RAB15: variants seen among roughly 807,000 people sequenced by gnomAD.
RAB15 encodes the protein RAB15, member RAS oncogene family, also known as ras-related protein Rab-15.
RAB15 carries 13 observed loss-of-function variants against 31.8 expected under a neutral mutation model. The observed-to-expected ratio is 0.41, with a 90% CI of 0.27 to 0.65. The LOEUF (loss-of-function observed/expected upper bound fraction) is 0.65, where lower values mean the gene tolerates loss of function less well. Among genes scored for constraint, RAB15 ranks in the 30% least tolerant of loss-of-function variants. The pLI is 0.32. For missense variants in RAB15, 220 were observed against 277.3 expected, an observed-to-expected ratio of 0.79 and a Z score of 1.47; for synonymous variants, 100 against 105.6, an observed-to-expected ratio of 0.95 and a Z score of 0.33.
intron 1 of RAB15, among the ~76,000 whole-genome samples, chr14:64,956,933 CA>C (rs1375297168): frequency 7.8e-6 from 1 of 128,294 alleles, no homozygotes; most frequent in Admixed American, 7.4e-5. Context: ...CTCCTAGCTT[CA>C]ATTTTTTTTT....
rs1025619507 is a variant in RAB15, at chr14:64,947,846, TC to T, written c.*507del. 9.2e-5 allele frequency: 14 copies of T among 152,606 alleles called. No individual in the cohort carries two copies. The highest frequency in any genetic ancestry group is 3.1e-4 in the African/African-American group (13 of 41,374). The allele number at this position is 152,606 out of a possible 1,614,324, so 9.5% of individuals were successfully genotyped here. On this transcript the variant is annotated 3_prime_UTR_variant, in exon 7 of 7. Transcript: ENST00000533601. The surrounding 1 kb of genome is among the most constrained non-coding windows in gnomAD (Gnocchi z 5.6). Reference sequence around the variant, plus strand: ...GAACCTCCCCACGAGCCTGGGTCCATCCCCTTGGATAGCTTAGGAAGGAAGG... The same window carrying T: ...GAACCTCCCCACGAGCCTGGGTCCATCCCTTGGATAGCTTAGGAAGGAAGG...
intron 1 of RAB15, among the ~76,000 whole-genome samples, chr14:64,967,619 A>G (rs1185922333): frequency 6.6e-6 from 1 of 151,632 alleles, no homozygotes; most frequent in Admixed American, 6.6e-5. Context: ...AAGAAAACCA[A>G]CAACTCCTGA....
Position 64,971,401 on chromosome 14 carries a change from C to G in RAB15, c.124+552G>C, listed in dbSNP as rs1887409777. Among the ~76,000 whole-genome samples the G allele has an allele frequency of 6.6e-6, 1 of 152,152 alleles. No individual in the cohort carries two copies. The highest frequency in any genetic ancestry group is 1.5e-5 in the Non-Finnish European group (1 of 68,022). ...CAGGGGCTCCTCACCCTATCTGTGT[C>G]CTCCCCCAGGTGTCCCACCTTGCGG... On this transcript the variant is annotated intron_variant, in intron 1 of 6. Transcript: ENST00000533601. This position sits in a 1 kb window ranked among gnomAD's most constrained non-coding sequence, Gnocchi z 4.1.
chr14:64,960,288 T>G (rs2139989076), intron 1 of RAB15, among the ~76,000 whole-genome samples: 1 of 152,278 alleles, frequency 6.6e-6, no homozygotes, highest in African/African-American at 2.4e-5. Flanking sequence ...GGGAAAAACT[T>G]GGTGCCTCCC....
rs1887256676 is a variant in RAB15, at chr14:64,968,574, G to T, written c.124+3379C>A. Among the ~76,000 whole-genome samples, 1 of 152,182 alleles carries T rather than the reference G, an allele frequency of 6.6e-6. No homozygotes were observed. Among genetic ancestry groups the T allele is most frequent in the Non-Finnish European group, 1.5e-5 (1 of 68,028 alleles). ...TGATCATAATCCATCCTTTACATTT[G>T]AAGAGTGATTCACCAAGTTCTTTCA... On this transcript the variant is annotated intron_variant, in intron 1 of 6. Transcript: ENST00000533601. The surrounding 1 kb of genome is among the most constrained non-coding windows in gnomAD (Gnocchi z 4.9).
At chr14:64,964,912 A>G (rs1887051430) in intron 1 of RAB15, among the ~76,000 whole-genome samples, 2 of 151,688 alleles carry the variant, frequency 1.3e-5, no homozygotes, top group South Asian at 4.2e-4. Context: ...AGCCCTTTCT[A>G]TAGTTCATGG....
rs183584503 is a variant in RAB15 at position 64,964,015 on chromosome 14, T to A, written c.124+7938A>T. ...GGATGTCTGGTTCCCAGCTACACTGTAAGCTCCCAGAGGGCAAAGCAGCAT... is the reference window on the plus strand; with the variant it reads ...GGATGTCTGGTTCCCAGCTACACTGAAAGCTCCCAGAGGGCAAAGCAGCAT... On this transcript the variant is annotated intron_variant, in intron 1 of 6. Coordinates refer to ENST00000533601, the MANE Select transcript of RAB15 (RefSeq NM_001308154.2). Among the ~76,000 whole-genome samples, 590 of 152,298 alleles carry A rather than the reference T, an allele frequency of 3.9e-3. 2 individuals are homozygous for A. Among genetic ancestry groups the A allele is most frequent in the Middle Eastern group, 0.014 (4 of 294 alleles).
At chr14:64,956,798 A>G (rs754623077) in intron 1 of RAB15, among the ~76,000 whole-genome samples, 5 of 152,216 alleles carry the variant, frequency 3.3e-5, no homozygotes, top group African/African-American at 7.2e-5. Context: ...GGGTGATATT[A>G]GATAGAAGTA....
In RAB15 at chr14:64,950,476, C is replaced by T; in HGVS notation, c.325-62G>A. On this transcript the variant is annotated intron_variant, in intron 4 of 6. Coordinates refer to ENST00000533601, the MANE Select transcript of RAB15 (RefSeq NM_001308154.2). The surrounding 1 kb of genome is among the most constrained non-coding windows in gnomAD (Gnocchi z 5.6). ...CTGCCTGCCCCCCCAATTTTCCCTA[C>T]AGAGTCTGCACTGCCTCCAGCCCAC... 7.3e-7 allele frequency: 1 copy of T among 1,373,066 alleles called. No individual in the cohort carries two copies. The highest frequency in any genetic ancestry group is 1.0e-6 in the Non-Finnish European group (1 of 964,390). 85.1% of individuals were successfully genotyped at this position (1,373,066 alleles called of 1,614,324 possible). A position where few individuals can be genotyped will look rare whatever the true frequency, so the allele number is the denominator to read the frequency against.
In RAB15 at chr14:64,972,046, G is replaced by A. The variant is rs759144815; in HGVS notation, c.31C>T (p.Leu11=). The stretch of plus-strand genomic sequence containing the variant: ...ACCCCGGAGTCCCCGATCAGCAGCA[G>A]CCGGAACAGCACATCGTACTGCTTC... MAKQYDVLFR[L]LLIGDSGVGK... is the part of the protein sequence containing the mutation. Residue 11 remains leucine (L), a synonymous_variant, in exon 1 of 7, where the codon CTG becomes TTG. Transcript: ENST00000533601. This position sits in a 1 kb window ranked among gnomAD's most constrained non-coding sequence, Gnocchi z 6.3. The A allele has an allele frequency of 1.9e-6, 3 of 1,610,952 alleles. No homozygotes were observed. In the Admixed American group the frequency reaches 5.0e-5, roughly 27 times the overall value.
chr14:64,963,164 G>T (rs1423814104), intron 1 of RAB15, among the ~76,000 whole-genome samples: 4 of 141,848 alleles, frequency 2.8e-5, no homozygotes, highest in Admixed American at 7.3e-5. Context: ...TGTCACCCAG[G>T]CTGGAGTACA....
chr14:64,970,451 G>A lies in RAB15; in HGVS notation c.124+1502C>T, dbSNP rs1222412045. On this transcript the variant is annotated intron_variant, in intron 1 of 6. Transcript: ENST00000533601. This position sits in a 1 kb window ranked among gnomAD's most constrained non-coding sequence, Gnocchi z 4.1. ...ACCATGGCTCAGCCCAAGCTCCTGG[G>A]TTTCCTAAGAGTTGGCCTTACAGCT... is the stretch of plus-strand genomic sequence containing the variant. 1.3e-5 allele frequency among the ~76,000 whole-genome samples: 2 copies of A among 152,154 alleles called. No individual in the cohort carries two copies. The highest frequency in any genetic ancestry group is 2.9e-5 in the Non-Finnish European group (2 of 68,042).
At position 64,952,519 on chromosome 14, in the gene RAB15, T is replaced by C. The variant is rs1377678590; in HGVS notation, c.177A>G (p.Ile59Met). The change falls in exon 2 of 7, where the codon ATA becomes ATG. Residue 59 changes from isoleucine to methionine, a missense_variant. Coordinates refer to ENST00000533601, the MANE Select transcript of RAB15 (RefSeq NM_001308154.2). This position sits in a 1 kb window ranked among gnomAD's most constrained non-coding sequence, Gnocchi z 4.2. ...CCTCCTCCCCAGCTCACCAGATCTG[T>C]ATCCGCACTTTGATGCCGTCTACCT... ...TIEVDGIKVRIQIWDTAGQER... is the reference protein window; with the variant it reads ...TIEVDGIKVRMQIWDTAGQER... 1.9e-6 allele frequency: 3 copies of C among 1,611,966 alleles called. No homozygotes were observed. In the African/African-American group the frequency reaches 4.0e-5, roughly 22 times the overall value.
Position 64,950,630 on chromosome 14 carries a change from T to G in RAB15, c.325-216A>C. The G allele has an allele frequency of 1.6e-6, 1 of 606,240 alleles. No homozygotes were observed. Among genetic ancestry groups the G allele is most frequent in the Non-Finnish European group, 2.9e-6 (1 of 340,596 alleles). The allele number at this position is 606,240 out of a possible 1,614,324, so 37.6% of individuals were successfully genotyped here. Reference sequence around the variant, plus strand: ...GGGTAGAAGACACTCTGGCTAAGACTGGTGCTTCCTTGGGTTAGACCACTG... The same window carrying G: ...GGGTAGAAGACACTCTGGCTAAGACGGGTGCTTCCTTGGGTTAGACCACTG... On this transcript the variant is annotated intron_variant, in intron 4 of 6. Coordinates refer to ENST00000533601, the MANE Select transcript of RAB15 (RefSeq NM_001308154.2). The surrounding 1 kb of genome is among the most constrained non-coding windows in gnomAD (Gnocchi z 5.6).
chr14:64,962,912 G>T lies in RAB15; in HGVS notation c.124+9041C>A, dbSNP rs558059791. Among the ~76,000 whole-genome samples, 29 of 152,132 alleles carry T rather than the reference G, an allele frequency of 1.9e-4. No individual in the cohort carries two copies. Among genetic ancestry groups the T allele is most frequent in the Non-Finnish European group, 3.5e-4 (24 of 68,038 alleles). On this transcript the variant is annotated intron_variant, in intron 1 of 6. Coordinates refer to ENST00000533601, the MANE Select transcript of RAB15 (RefSeq NM_001308154.2). The surrounding 1 kb of genome is among the most constrained non-coding windows in gnomAD (Gnocchi z 4.2). Reference sequence around the variant, plus strand: ...CAATAGCACTTACACTTGTCTGGAGGCGTGAACCTGAAGAATACACCAAGA... The same window carrying T: ...CAATAGCACTTACACTTGTCTGGAGTCGTGAACCTGAAGAATACACCAAGA...
In RAB15 at chr14:64,953,703, A is replaced by G; in HGVS notation, c.125-1132T>C. On this transcript the variant is annotated intron_variant, in intron 1 of 6. Transcript: ENST00000533601. This position sits in a 1 kb window ranked among gnomAD's most constrained non-coding sequence, Gnocchi z 4.6. Reference sequence around the variant, plus strand: ...AGAGATGAGGGAGGTTGTTTTGCTGACCATGCCTCTCCCCAACTCTAACTA... The same window carrying G: ...AGAGATGAGGGAGGTTGTTTTGCTGGCCATGCCTCTCCCCAACTCTAACTA... 1.3e-6 allele frequency: 1 copy of G among 759,662 alleles called. No homozygotes were observed. Among genetic ancestry groups the G allele is most frequent in the Non-Finnish European group, 1.6e-6 (1 of 623,752 alleles). The allele number at this position is 759,662 out of a possible 1,614,324, so 47.1% of individuals were successfully genotyped here.
rs1490903734 is a variant in RAB15 at position 64,955,502 on chromosome 14, T to C, written c.125-2931A>G. ...ATTGAGGCCTCTGCAGACGGATGCT[T>C]TCTCACCTTGGCCAGCCCTCGCAGC... On this transcript the variant is annotated intron_variant, in intron 1 of 6. Coordinates refer to ENST00000533601, the MANE Select transcript of RAB15 (RefSeq NM_001308154.2). This position sits in a 1 kb window ranked among gnomAD's most constrained non-coding sequence, Gnocchi z 4.4. 6.6e-6 allele frequency among the ~76,000 whole-genome samples: 1 copy of C among 152,180 alleles called. No homozygotes were observed. Among genetic ancestry groups the C allele is most frequent in the Admixed American group, 6.5e-5 (1 of 15,282 alleles).
At chr14:64,965,888 G>T (rs1887110701) in intron 1 of RAB15, among the ~76,000 whole-genome samples, 1 of 152,090 alleles carries the variant, frequency 6.6e-6, no homozygotes, top group Non-Finnish European at 1.5e-5. Context: ...CCCTCCGCGG[G>T]CTTCAGATAT....
chr14:64,952,488 C>T lies in RAB15; in HGVS notation c.185+23G>A. ...CAGAAGTCCTCTTCTCCTACATCTG[C>T]CTCCTCCTCCTCCCCAGCTCACCAG... On this transcript the variant is annotated intron_variant, in intron 2 of 6. Transcript: ENST00000533601. The surrounding 1 kb of genome is among the most constrained non-coding windows in gnomAD (Gnocchi z 4.2). 6.4e-7 allele frequency: 1 copy of T among 1,570,186 alleles called. No individual in the cohort carries two copies. The highest frequency in any genetic ancestry group is 8.8e-7 in the Non-Finnish European group (1 of 1,142,532).
Sources: gnomAD v4.1 joint callset for allele counts (sites outside exome capture counted in the v4.1 genomes callset) on GRCh38, gnomAD v4.1.1 for gene constraint, Gnocchi (gnomAD v3.1) non-coding constraint, MANE v1.5 for transcripts, NCBI Gene and HGNC (gene_info 2026-07-23, HGNC 2026-07-21) for gene names.